Variants in RUNDC3B observed in about 807,000 individuals in gnomAD.
RUNDC3B encodes RUN domain containing 3B.
Under a neutral mutation model 58.4 loss-of-function variants are expected in RUNDC3B, and 33 were observed. The ratio of observed to expected loss-of-function variants is 0.56; its 90% CI spans 0.43 to 0.75. The LOEUF (loss-of-function observed/expected upper bound fraction) is 0.75. Among genes scored for constraint, RUNDC3B ranks in the 30% least tolerant of loss-of-function variants. The pLI, the probability that RUNDC3B is intolerant of heterozygous loss-of-function variation, is 0.00. For missense variants in RUNDC3B, 501 were observed against 535.7 expected (o/e 0.94, Z 0.64); for synonymous variants, 193 against 195.2 (o/e 0.99, Z 0.10).
chr7:87,828,223 T>C (rs927378822), intron 10 of RUNDC3B, among the ~76,000 whole-genome samples: 11 of 152,294 alleles, frequency 7.2e-5, no homozygotes, highest in African/African-American at 2.2e-4. Flanking sequence ...TTTTTAAATA[T>C]CAACTTTTAT....
intron 2 of RUNDC3B, among the ~76,000 whole-genome samples, chr7:87,694,506 A>G (rs549002417): frequency 6.6e-6 from 1 of 152,230 alleles, no homozygotes; most frequent in East Asian, 1.9e-4. Context: ...TTATTTTTAA[A>G]TAGTAGAACG....
intron 2 of RUNDC3B, among the ~76,000 whole-genome samples, chr7:87,669,443 CT>C (rs1489460053): frequency 6.6e-6 from 1 of 152,028 alleles, no homozygotes; most frequent in Non-Finnish European, 1.5e-5. Flanking sequence ...CTCACTGTGC[CT>C]TTTAAGTGGG....
At position 87,830,329 on chromosome 7, in the gene RUNDC3B, G is replaced by A. The variant is rs1278610618; in HGVS notation, c.*299G>A. ...CATAGCAAATTGTACATATTGTTCA[G>A]CTGATTTTTATATATTTAAATACAC... On this transcript the variant is annotated 3_prime_UTR_variant, in exon 11 of 11. Transcript: ENST00000394654. 2 of 181,170 alleles carry A rather than the reference G, an allele frequency of 1.1e-5. No individual in the cohort carries two copies. The highest frequency in any genetic ancestry group is 4.8e-5 in the African/African-American group (2 of 41,894). The allele number at this position is 181,170 out of a possible 1,614,324, so 11.2% of individuals were successfully genotyped here. A position where few individuals can be genotyped will look rare whatever the true frequency, so the allele number is the denominator to read the frequency against.
intron 4 of RUNDC3B, among the ~76,000 whole-genome samples, chr7:87,726,496 A>C (rs373587606): frequency 8.6e-5 from 13 of 151,954 alleles, no homozygotes; most frequent in East Asian, 5.9e-4. Flanking sequence ...TTACTGTAGC[A>C]TTGTAGTATA....
At chr7:87,715,324 AT>A (rs890839891) in intron 4 of RUNDC3B, among the ~76,000 whole-genome samples, 137 of 121,396 alleles carry the variant, frequency 1.1e-3, no homozygotes, top group Non-Finnish European at 1.6e-3. Flanking sequence ...ATTTATAATA[AT>A]TATATATAAT....
At chr7:87,675,125 C>T (rs773349963) in intron 2 of RUNDC3B, among the ~76,000 whole-genome samples, 31 of 152,140 alleles carry the variant, frequency 2.0e-4, no homozygotes, top group Non-Finnish European at 1.0e-4. Context: ...TGCCTTTTCC[C>T]CAGAAGATGC....
chr7:87,767,885 C>A (rs963209981), intron 6 of RUNDC3B, among the ~76,000 whole-genome samples: 1 of 152,138 alleles, frequency 6.6e-6, no homozygotes, highest in African/African-American at 2.4e-5. Flanking sequence ...TAGACACTAT[C>A]TTTATCTCTA....
chr7:87,808,394 T>C (rs551973072), intron 9 of RUNDC3B, among the ~76,000 whole-genome samples: 1 of 152,206 alleles, frequency 6.6e-6, no homozygotes, highest in South Asian at 2.1e-4. Context: ...TACCTTTCAC[T>C]AGGTTATTAG....
chr7:87,666,136 A>G (rs1250232353), intron 2 of RUNDC3B, among the ~76,000 whole-genome samples: 3 of 152,064 alleles, frequency 2.0e-5, no homozygotes, highest in African/African-American at 7.2e-5. Context: ...TTTCTCTGCA[A>G]CATCTCCAGC....
chr7:87,815,109 T>C (rs147923285), intron 9 of RUNDC3B, among the ~76,000 whole-genome samples: 2 of 152,088 alleles, frequency 1.3e-5, no homozygotes, highest in African/African-American at 4.8e-5. Context: ...CCATTTTGAA[T>C]GGAGTCGTGA....
At chr7:87,783,680 T>C (rs1345334629) in intron 8 of RUNDC3B, among the ~76,000 whole-genome samples, 5 of 152,228 alleles carry the variant, frequency 3.3e-5, no homozygotes, top group African/African-American at 1.2e-4. Flanking sequence ...AAGGATCTCT[T>C]GCAAGGCTGG....
chr7:87,630,225 A>C (rs1048515333), intron 1 of RUNDC3B, among the ~76,000 whole-genome samples: 2 of 152,180 alleles, frequency 1.3e-5, no homozygotes, highest in Non-Finnish European at 2.9e-5. Flanking sequence ...TGTGTCTAGC[A>C]TCTTAAGTGG....
chr7:87,697,256 C>G (rs544055733), intron 2 of RUNDC3B, among the ~76,000 whole-genome samples: 1 of 152,100 alleles, frequency 6.6e-6, no homozygotes, highest in African/African-American at 2.4e-5. Flanking sequence ...TGTATTTTCC[C>G]TTGCCTATTT....
intron 6 of RUNDC3B, among the ~76,000 whole-genome samples, chr7:87,751,918 A>G (rs1833021340): frequency 6.6e-6 from 1 of 152,164 alleles, no homozygotes; most frequent in Admixed American, 6.5e-5. Flanking sequence ...TATGTTGAAT[A>G]GGAGTGGTGA....
At chr7:87,764,609 A>G (rs1397655922) in intron 6 of RUNDC3B, among the ~76,000 whole-genome samples, 1 of 151,558 alleles carries the variant, frequency 6.6e-6, no homozygotes, top group Non-Finnish European at 1.5e-5. Context: ...TTCCATCTTT[A>G]TGTCCATGTT....
intron 4 of RUNDC3B, among the ~76,000 whole-genome samples, chr7:87,719,574 A>G (rs1830746580): frequency 6.6e-6 from 1 of 151,948 alleles, no homozygotes; most frequent in Admixed American, 6.6e-5. Flanking sequence ...TAAACATACT[A>G]TATAAAAACC....
Position 87,679,638 on chromosome 7 carries a change from C to T in RUNDC3B, c.239-20783C>T, listed in dbSNP as rs1044672131. On this transcript the variant is annotated intron_variant, in intron 2 of 10. Coordinates refer to ENST00000394654, the MANE Select transcript of RUNDC3B (RefSeq NM_001134405.2). ...CTACTGGGCTCAAGTGGTCCTCTCA[C>T]TTCAGCCTTTCAAAGTGCTGAGATT... Among the ~76,000 whole-genome samples, 17 of 150,360 alleles carry T rather than the reference C, an allele frequency of 1.1e-4. 1 individual carries two copies. Among genetic ancestry groups the T allele is most frequent in the Non-Finnish European group, 2.5e-4 (17 of 67,850 alleles).
At chr7:87,794,199 G>T (rs2130911544) in intron 8 of RUNDC3B, among the ~76,000 whole-genome samples, 1 of 152,320 alleles carries the variant, frequency 6.6e-6, no homozygotes, top group Non-Finnish European at 1.5e-5. Context: ...CACTTTGGGA[G>T]GCCGAGGTGG....
At chr7:87,753,341 G>A (rs1407430692) in intron 6 of RUNDC3B, among the ~76,000 whole-genome samples, 1 of 152,016 alleles carries the variant, frequency 6.6e-6, no homozygotes, top group African/African-American at 2.4e-5. Flanking sequence ...TGAAAAAAAT[G>A]TATATTCTGT....
Sources: allele counts gnomAD v4.1 joint callset (sites outside exome capture counted in the v4.1 genomes callset), GRCh38; gene constraint gnomAD v4.1.1; transcripts MANE v1.5; gene names NCBI Gene and HGNC (gene_info 2026-07-23, HGNC 2026-07-21).